The following UBE2E2 variants were observed in gnomAD, a reference collection of about 807,000 sequenced individuals.
The protein encoded by UBE2E2 is ubiquitin conjugating enzyme E2 E2.
UBE2E2 carries 6 observed loss-of-function variants against 24.7 expected under a neutral mutation model. The ratio of observed to expected loss-of-function variants is 0.24; its 90% confidence interval spans 0.13 to 0.48. The LOEUF (loss-of-function observed/expected upper bound fraction) is 0.48, where lower values mean the gene tolerates loss of function less well. UBE2E2 is among the 20% of genes least tolerant of loss of function. The probability of loss-of-function intolerance (pLI) is 0.99; values close to 1 mark genes in which losing one functional copy is unlikely to be tolerated. For missense variants in UBE2E2, 169 were observed against 245.0 expected, an observed-to-expected ratio of 0.69 and a Z score of 2.07; for synonymous variants, 104 against 83.6, an observed-to-expected ratio of 1.24 and a Z score of -1.33.
intron 3 of UBE2E2, among the ~76,000 whole-genome samples, chr3:23,335,131 G>A (rs898128941): frequency 6.6e-6 from 1 of 152,080 alleles, no homozygotes; most frequent in Non-Finnish European, 1.5e-5. Flanking sequence ...TTTCAAATGG[G>A]TTATTTTGTG....
intron 3 of UBE2E2, among the ~76,000 whole-genome samples, chr3:23,295,447 C>A (rs1012772650): frequency 5.3e-5 from 8 of 152,136 alleles, no homozygotes; most frequent in Non-Finnish European, 8.8e-5. Flanking sequence ...ATGAATGGTC[C>A]AGGTGGGTAC....
At chr3:23,260,557 A>G (rs1355267795) in intron 3 of UBE2E2, among the ~76,000 whole-genome samples, 3 of 152,162 alleles carry the variant, frequency 2.0e-5, no homozygotes, top group African/African-American at 7.2e-5. Context: ...TTACTCCTGT[A>G]ATCCCAGCAC....
chr3:23,257,751 C>G (rs1252793273), intron 3 of UBE2E2, among the ~76,000 whole-genome samples: 1 of 151,764 alleles, frequency 6.6e-6, no homozygotes, highest in Non-Finnish European at 1.5e-5. Flanking sequence ...TTTTATCTCT[C>G]TCTCTCTTAA....
chr3:23,306,068 TA>T (rs1163956477), intron 3 of UBE2E2, among the ~76,000 whole-genome samples: 2 of 152,252 alleles, frequency 1.3e-5, no homozygotes, highest in African/African-American at 2.4e-5. Flanking sequence ...AAGTGGTAGA[TA>T]AAAAAGGAAG....
intron 3 of UBE2E2, among the ~76,000 whole-genome samples, chr3:23,361,496 C>T (rs1483171406): frequency 6.6e-6 from 1 of 152,108 alleles, no homozygotes; most frequent in Non-Finnish European, 1.5e-5. Context: ...TACTACTCAG[C>T]CATTAAAAGG....
At chr3:23,495,612 T>C (rs1233503985) in intron 3 of UBE2E2, among the ~76,000 whole-genome samples, 1 of 152,244 alleles carries the variant, frequency 6.6e-6, no homozygotes, top group Non-Finnish European at 1.5e-5. Flanking sequence ...TCTCTACTTT[T>C]AAGCTCTTCC....
chr3:23,356,599 T>G (rs934975705), intron 3 of UBE2E2, among the ~76,000 whole-genome samples: 2 of 152,188 alleles, frequency 1.3e-5, no homozygotes, highest in Non-Finnish European at 2.9e-5. Context: ...CTTCTCATCT[T>G]TCTTTTATGT....
At chr3:23,357,947 T>C (rs1205762644) in intron 3 of UBE2E2, among the ~76,000 whole-genome samples, 1 of 152,218 alleles carries the variant, frequency 6.6e-6, no homozygotes, top group Admixed American at 6.5e-5. Context: ...GTGATCCTTC[T>C]ACCTCAGCCT....
At chr3:23,309,120 G>A (rs1319961157) in intron 3 of UBE2E2, among the ~76,000 whole-genome samples, 1 of 152,170 alleles carries the variant, frequency 6.6e-6, no homozygotes, top group Non-Finnish European at 1.5e-5. Flanking sequence ...TCTAGACCCT[G>A]CCCACTTTGA....
intron 3 of UBE2E2, among the ~76,000 whole-genome samples, chr3:23,365,704 A>G (rs1158636811): frequency 6.6e-6 from 1 of 152,214 alleles, no homozygotes; most frequent in African/African-American, 2.4e-5. Context: ...CAGTCTACAG[A>G]TTCAGTGCCA....
chr3:23,556,454 T>TAAAAAAAAAAAAAAAA (rs5847239), intron 5 of UBE2E2, among the ~76,000 whole-genome samples: 3 of 94,338 alleles, frequency 3.2e-5, no homozygotes, highest in Admixed American at 1.0e-4. Flanking sequence ...AAAATTTATT[T>TAAAAAAAAAAAAAAAA]AAAAAAAAAA....
chr3:23,318,228 G>C (rs1694637766), intron 3 of UBE2E2, among the ~76,000 whole-genome samples: 2 of 152,118 alleles, frequency 1.3e-5, no homozygotes, highest in South Asian at 4.2e-4. Context: ...GCAGTGGTGT[G>C]ATCACAGCTT....
chr3:23,574,274 C>A (rs1317489679), intron 5 of UBE2E2, among the ~76,000 whole-genome samples: 1 of 152,012 alleles, frequency 6.6e-6, no homozygotes, highest in Non-Finnish European at 1.5e-5. Context: ...CTAATGGATA[C>A]AAACAGTTAG....
intron 5 of UBE2E2, among the ~76,000 whole-genome samples, chr3:23,535,408 T>C (rs1380340778): frequency 6.6e-6 from 1 of 152,194 alleles, no homozygotes; most frequent in African/African-American, 2.4e-5. Flanking sequence ...CACCTCAACA[T>C]TGACACTTGG....
intron 3 of UBE2E2, among the ~76,000 whole-genome samples, chr3:23,283,539 C>T: frequency 6.6e-6 from 1 of 152,126 alleles, no homozygotes; most frequent in East Asian, 1.9e-4. Flanking sequence ...CGAGCCTGAG[C>T]AACGTAGTGA....
chr3:23,343,072 T>C (rs1410732205), intron 3 of UBE2E2, among the ~76,000 whole-genome samples: 3 of 148,990 alleles, frequency 2.0e-5, no homozygotes, highest in African/African-American at 7.5e-5. Context: ...TAACTGCTAT[T>C]TTATGTTAAA....
intron 3 of UBE2E2, among the ~76,000 whole-genome samples, chr3:23,242,304 T>C (rs556337381): frequency 1.3e-5 from 2 of 152,108 alleles, no homozygotes; most frequent in South Asian, 2.1e-4. Flanking sequence ...GTCTGCTGTA[T>C]AGTAGTAATC....
intron 3 of UBE2E2, among the ~76,000 whole-genome samples, chr3:23,356,738 ATC>A (rs1202361885): frequency 2.0e-5 from 3 of 152,180 alleles, no homozygotes; most frequent in East Asian, 1.9e-4. Flanking sequence ...GAAACACTAA[ATC>A]TCTGTTGTCA....
intron 5 of UBE2E2, among the ~76,000 whole-genome samples, chr3:23,536,514 ATTTAAAATTTT>A (rs1695268132): frequency 2.0e-5 from 3 of 152,178 alleles, no homozygotes; most frequent in Admixed American, 2.0e-4. Context: ...ATGATGTATC[ATTTAAAATTTT>A]CCCCCAAATA....
Sources: allele counts gnomAD v4.1 joint callset (sites outside exome capture counted in the v4.1 genomes callset), GRCh38; gene constraint gnomAD v4.1.1; transcripts MANE v1.5; gene names NCBI Gene and HGNC (gene_info 2026-07-23, HGNC 2026-07-21).